Variants in CSMD1 observed in about 807,000 individuals in gnomAD.
CSMD1 encodes CUB and sushi domain-containing protein 1.
Under a neutral mutation model 417.5 loss-of-function variants are expected in CSMD1, and 213 were observed. That is an observed-to-expected ratio of 0.51 (90% CI 0.46 to 0.57). The LOEUF (loss-of-function observed/expected upper bound fraction) is 0.57, where lower values mean the gene tolerates loss of function less well. Ranked by LOEUF, CSMD1 falls within the 20% of genes least tolerant of loss-of-function variation. The pLI, the probability that CSMD1 is intolerant of heterozygous loss-of-function variation, is 0.00. For missense variants in CSMD1, 6,923 were observed against 4,529.7 expected, an observed-to-expected ratio of 1.53 and a Z score of -15.17; for synonymous variants, 2,862 against 1,736.8, an observed-to-expected ratio of 1.65 and a Z score of -16.11.
chr8:3,835,231 G>A (rs1312778386), intron 5 of CSMD1, among the ~76,000 whole-genome samples: 2 of 151,472 alleles, frequency 1.3e-5, no homozygotes, highest in Non-Finnish European at 2.9e-5. Flanking sequence ...TATACCCAAA[G>A]GATTATAAAT....
chr8:3,735,235 T>A (rs555288973), intron 6 of CSMD1, among the ~76,000 whole-genome samples: 1 of 152,178 alleles, frequency 6.6e-6, no homozygotes, highest in Non-Finnish European at 1.5e-5. Context: ...TCTGTCTGAT[T>A]TGGATATTTA....
At chr8:4,608,042 G>A (rs976954470) in intron 2 of CSMD1, among the ~76,000 whole-genome samples, 4 of 152,112 alleles carry the variant, frequency 2.6e-5, no homozygotes, top group Non-Finnish European at 5.9e-5. Context: ...GCCCAGAAAA[G>A]GGTGTTCCAG....
chr8:3,800,175 C>T (rs1054192700), intron 5 of CSMD1, among the ~76,000 whole-genome samples: 13 of 152,038 alleles, frequency 8.6e-5, no homozygotes, highest in African/African-American at 2.9e-4. Context: ...AAATCAGTGG[C>T]TAGACATGAA....
At chr8:4,696,818 A>G (rs1334077730) in intron 1 of CSMD1, among the ~76,000 whole-genome samples, 1 of 152,214 alleles carries the variant, frequency 6.6e-6, no homozygotes, top group Middle Eastern at 3.2e-3. Context: ...ATTAAATTTC[A>G]TTCCACAAAA....
At chr8:4,497,914 G>A (rs1563233726) in intron 2 of CSMD1, among the ~76,000 whole-genome samples, 2 of 152,128 alleles carry the variant, frequency 1.3e-5, no homozygotes, top group Non-Finnish European at 2.9e-5. Flanking sequence ...GTGCCTTCAA[G>A]AAGCTCACGG....
rs531161760 is a variant in CSMD1, at chr8:4,149,534, C to T, written c.416-117435G>A. Among the ~76,000 whole-genome samples, 100 of 152,250 alleles carry T rather than the reference C, an allele frequency of 6.6e-4. 1 individual carries two copies. The Middle Eastern group carries it at 0.037, about 57-fold the overall frequency. ...TACTCAGGGAACTACCATTTCAATA[C>T]TAACCAAAAATATTTAATTCTAAGT... is the stretch of plus-strand genomic sequence containing the variant. On this transcript the variant is annotated intron_variant, in intron 3 of 69. Coordinates refer to ENST00000635120, the MANE Select transcript of CSMD1 (RefSeq NM_033225.6).
intron 1 of CSMD1, among the ~76,000 whole-genome samples, chr8:4,978,262 C>A (rs1023876508): frequency 1.3e-5 from 2 of 152,154 alleles, no homozygotes; most frequent in Admixed American, 6.5e-5. Flanking sequence ...AAAGGGGGGA[C>A]AGGCAGGTGG....
At position 3,274,233 on chromosome 8, in the gene CSMD1, C is replaced by T. The variant is rs554299976; in HGVS notation, c.4153+9911G>A. Among the ~76,000 whole-genome samples the T allele has an allele frequency of 6.5e-3, 979 of 151,260 alleles. 8 individuals are homozygous for T. The highest frequency in any genetic ancestry group is 0.022 in the African/African-American group (917 of 41,258). ...GTTGTTCAGTTTCCATGTAGTTGAGCGGTTTTGAGTGAGATTCTTAATCCT... is the reference window on the plus strand; with the variant it reads ...GTTGTTCAGTTTCCATGTAGTTGAGTGGTTTTGAGTGAGATTCTTAATCCT... On this transcript the variant is annotated intron_variant, in intron 26 of 69. Coordinates refer to ENST00000635120, the MANE Select transcript of CSMD1 (RefSeq NM_033225.6).
intron 68 of CSMD1, among the ~76,000 whole-genome samples, chr8:2,946,331 A>T (rs1253663569): frequency 6.6e-6 from 1 of 152,136 alleles, no homozygotes; most frequent in African/African-American, 2.4e-5. Flanking sequence ...CCGTAGTCTC[A>T]CTTAGAAGAT....
At chr8:3,390,269 C>A (rs6982696) in intron 17 of CSMD1, among the ~76,000 whole-genome samples, 30 of 147,890 alleles carry the variant, frequency 2.0e-4, no homozygotes, top group African/African-American at 7.2e-4. Flanking sequence ...TCAGGAGAAA[C>A]GCTTGAACTC....
At chr8:4,725,264 G>T (rs377673036) in intron 1 of CSMD1, among the ~76,000 whole-genome samples, 1 of 152,098 alleles carries the variant, frequency 6.6e-6, no homozygotes, top group Non-Finnish European at 1.5e-5. Context: ...AACTTCATTG[G>T]TACATGAATG....
chr8:3,144,254 AG>A (rs1818692221), intron 40 of CSMD1, among the ~76,000 whole-genome samples: 1 of 149,804 alleles, frequency 6.7e-6, no homozygotes, highest in Admixed American at 6.6e-5. Context: ...TAACGGACAA[AG>A]GCCTCACTTT....
intron 5 of CSMD1, among the ~76,000 whole-genome samples, chr8:3,972,720 T>A (rs912198987): frequency 2.0e-5 from 3 of 152,232 alleles, no homozygotes; most frequent in African/African-American, 7.2e-5. Context: ...ACACTACTTG[T>A]GGGAGTAAAC....
chr8:3,189,668 G>A lies in CSMD1; in HGVS notation c.5398+244C>T, dbSNP rs183226592. On this transcript the variant is annotated intron_variant, in intron 34 of 69. Transcript: ENST00000635120. Reference sequence around the variant, plus strand: ...CCACACCCATAACTTTAGAGTTGATGGCCTACTTCATAAATATGGAGAAGG... The same window carrying A: ...CCACACCCATAACTTTAGAGTTGATAGCCTACTTCATAAATATGGAGAAGG... 2.6e-5 allele frequency among the ~76,000 whole-genome samples: 4 copies of A among 151,368 alleles called. No homozygotes were observed. The Admixed American group carries it at 2.7e-4, about 10-fold the overall frequency.
intron 3 of CSMD1, among the ~76,000 whole-genome samples, chr8:4,196,196 G>A (rs891273173): frequency 3.9e-5 from 6 of 152,122 alleles, no homozygotes; most frequent in African/African-American, 7.2e-5. Flanking sequence ...GGGCGACGGA[G>A]CAAGACTCCG....
chr8:3,151,648 G>T (rs748753568), intron 39 of CSMD1, 135 bp from the exon 40 acceptor site: 8 of 608,562 alleles, frequency 1.3e-5, no homozygotes, highest in Admixed American at 1.1e-4. Context: ...TACAGCACAC[G>T]ATACAATGCT....
intron 6 of CSMD1, among the ~76,000 whole-genome samples, chr8:3,721,034 G>A (rs773815390): frequency 1.3e-5 from 2 of 151,958 alleles, no homozygotes; most frequent in African/African-American, 2.4e-5. Context: ...TGTTAGTCAC[G>A]CTGGTCTCAA....
At chr8:4,865,259 G>A (rs1161004248) in intron 1 of CSMD1, among the ~76,000 whole-genome samples, 1 of 151,624 alleles carries the variant, frequency 6.6e-6, no homozygotes, top group Non-Finnish European at 1.5e-5. Context: ...AAACTTCTAT[G>A]TTATTCATCC....
At chr8:4,314,531 C>G (rs76493930) in intron 3 of CSMD1, among the ~76,000 whole-genome samples, 1 of 151,980 alleles carries the variant, frequency 6.6e-6, no homozygotes, top group Non-Finnish European at 1.5e-5. Context: ...GGATTTCTCC[C>G]GAAATACTAA....
Sources: allele counts gnomAD v4.1 joint callset (sites outside exome capture counted in the v4.1 genomes callset), GRCh38; gene constraint gnomAD v4.1.1; transcripts MANE v1.5; gene names NCBI Gene and HGNC (gene_info 2026-07-23, HGNC 2026-07-21).